Variants in IDNK observed in about 807,000 individuals in gnomAD.
The protein encoded by IDNK is IDNK gluconokinase.
Under a neutral mutation model 13.0 loss-of-function variants are expected in IDNK, and 9 were observed. The observed-to-expected ratio is 0.69, with a 90% CI of 0.42 to 1.21. The LOEUF (loss-of-function observed/expected upper bound fraction) is 1.21. Among genes scored for constraint, IDNK ranks in the 50% most tolerant of loss-of-function variants. The pLI is 0.00. For synonymous variants in IDNK, 92 were observed against 94.9 expected (o/e 0.97, Z 0.18); for missense variants, 210 against 237.8 (o/e 0.88, Z 0.77).
intron 3 of IDNK, among the ~76,000 whole-genome samples, chr9:83,636,933 C>T (rs982328518): frequency 6.6e-6 from 1 of 152,138 alleles, no homozygotes; most frequent in African/African-American, 2.4e-5. Flanking sequence ...AGCTGGTAAG[C>T]CTCATCATCT....
At chr9:83,623,591 C>T (rs1830765677) in intron 1 of IDNK, 1 of 274,430 alleles carries the variant, frequency 3.6e-6, no homozygotes, top group Non-Finnish European at 7.1e-6. Flanking sequence ...CGGGAGGGCG[C>T]ACGGCCTCTA....
intron 1 of IDNK, chr9:83,626,609 G>C (rs1194636726): frequency 6.3e-6 from 5 of 798,352 alleles, no homozygotes; most frequent in Non-Finnish European, 7.3e-6. Context: ...TTGAGACGGG[G>C]TTTTGCCATG....
intron 3 of IDNK, among the ~76,000 whole-genome samples, chr9:83,630,807 A>G (rs1173677391): frequency 6.6e-6 from 1 of 152,212 alleles, no homozygotes; most frequent in East Asian, 1.9e-4. Context: ...TTCACAAGTG[A>G]TGCTTGTTAA....
In IDNK at chr9:83,641,581, A is replaced by G. The variant is rs748739429; in HGVS notation, c.202A>G (p.Ile68Val). Residue 68 changes from isoleucine to valine, a missense_variant, in exon 4 of 5, where the codon ATT (isoleucine) becomes GTT (valine). By Grantham distance (29) the Ile-to-Val change is conservative (BLOSUM62 3). Transcript: ENST00000376419. ...RIPWLCNLHD[I>V]LLRDVASGQR... ...TCCATGGCTCTGTAACTTGCATGAC[A>G]TTTTACTAAGGTAAGAGACCACCAG... The G allele has an allele frequency of 6.2e-7, 1 of 1,614,032 alleles. No individual in the cohort carries two copies. Among genetic ancestry groups the G allele is most frequent in the African/African-American group, 1.3e-5 (1 of 75,032 alleles).
chr9:83,629,823 G>A (rs1830963093), intron 3 of IDNK, among the ~76,000 whole-genome samples: 1 of 152,206 alleles, frequency 6.6e-6, no homozygotes, highest in African/African-American at 2.4e-5. Flanking sequence ...GTACCCCCCA[G>A]GCCTGACACA....
rs940967177 is a variant in IDNK at position 83,623,223 on chromosome 9, T to C, written c.50+2T>C. On this transcript the variant is annotated splice_donor_variant, in intron 1 of 4. Coordinates refer to ENST00000376419, the MANE Select transcript of IDNK (RefSeq NM_001001551.4). LOFTEE classifies it high-confidence loss of function. ...GATGGGCGTGAGCGGCTCGGGGAAGTAGGTCCGGGAGAGGGCGGGGGGCGC... is the reference window on the plus strand; with the variant it reads ...GATGGGCGTGAGCGGCTCGGGGAAGCAGGTCCGGGAGAGGGCGGGGGGCGC... 37 of 1,397,366 alleles carry C rather than the reference T, an allele frequency of 2.6e-5. No homozygotes were observed. Among genetic ancestry groups the C allele is most frequent in the Non-Finnish European group, 3.1e-5 (34 of 1,079,544 alleles). The allele number at this position is 1,397,366 out of a possible 1,614,324, so 86.6% of individuals were successfully genotyped here. A position where few individuals can be genotyped will look rare whatever the true frequency, so the allele number is the denominator to read the frequency against.
At chr9:83,630,587 C>T (rs1364519413) in intron 3 of IDNK, among the ~76,000 whole-genome samples, 6 of 152,130 alleles carry the variant, frequency 3.9e-5, no homozygotes, top group Non-Finnish European at 7.4e-5. Context: ...ATAAATATCA[C>T]GTTTTAAAAT....
intron 3 of IDNK, among the ~76,000 whole-genome samples, chr9:83,630,636 C>G (rs1830984479): frequency 6.6e-6 from 1 of 152,192 alleles, no homozygotes; most frequent in Non-Finnish European, 1.5e-5. Flanking sequence ...ATCATATATA[C>G]ATGCCAATAA....
chr9:83,627,350 A>G (rs1013148263), intron 1 of IDNK, among the ~76,000 whole-genome samples: 1 of 152,206 alleles, frequency 6.6e-6, no homozygotes, highest in African/African-American at 2.4e-5. Context: ...GGCTGAGGCC[A>G]TGTGTCAGTG....
chr9:83,641,041 A>C (rs1450186782), intron 3 of IDNK, among the ~76,000 whole-genome samples: 2 of 152,206 alleles, frequency 1.3e-5, no homozygotes, highest in Admixed American at 1.3e-4. Context: ...TCTTTGTGAA[A>C]CACTGTAGCA....
At chr9:83,624,370 A>G (rs919271765) in intron 1 of IDNK, among the ~76,000 whole-genome samples, 1 of 152,196 alleles carries the variant, frequency 6.6e-6, no homozygotes, top group Non-Finnish European at 1.5e-5. Context: ...AGCTTGTGAT[A>G]TTCATGTACT....
At chr9:83,633,033 A>G (rs1831065460) in intron 3 of IDNK, among the ~76,000 whole-genome samples, 1 of 152,218 alleles carries the variant, frequency 6.6e-6, no homozygotes, top group Non-Finnish European at 1.5e-5. Context: ...TACTCTTTCC[A>G]AGGCCTGATC....
chr9:83,637,474 A>T (rs1193724524), intron 3 of IDNK, among the ~76,000 whole-genome samples: 20 of 152,234 alleles, frequency 1.3e-4, no homozygotes. Flanking sequence ...AATTACTGTG[A>T]ATAAGAAATG....
intron 3 of IDNK, among the ~76,000 whole-genome samples, chr9:83,639,662 T>C (rs1831250642): frequency 6.6e-6 from 1 of 152,038 alleles, no homozygotes; most frequent in Admixed American, 6.6e-5. Flanking sequence ...GTGAAAAATA[T>C]CAAGACTGGG....
intron 1 of IDNK, 71 bp from the exon 2 acceptor site, chr9:83,628,110 C>G: frequency 6.5e-7 from 1 of 1,544,528 alleles, no homozygotes; most frequent in South Asian, 1.2e-5. Context: ...CTTTCCCAGA[C>G]ATCCTTGCAC....
chr9:83,623,501 C>G (rs980941587), intron 1 of IDNK: 92 of 412,870 alleles, frequency 2.2e-4, no homozygotes, highest in Middle Eastern at 1.6e-3. Context: ...CGCTCCTGAA[C>G]AGGCGGCTGC....
chr9:83,627,987 T>C (rs1004762527), intron 1 of IDNK, 194 bp from the exon 2 acceptor site: 102 of 1,360,388 alleles, frequency 7.5e-5, no homozygotes, highest in Non-Finnish European at 9.1e-5. Flanking sequence ...TATTTCTTCA[T>C]TGACATTCGT....
chr9:83,643,275 T>A (rs1345493846), intron 4 of IDNK, among the ~76,000 whole-genome samples, 154 bp from the exon 5 acceptor site: 1 of 152,190 alleles, frequency 6.6e-6, no homozygotes, highest in Non-Finnish European at 1.5e-5. Flanking sequence ...GATATTTAAC[T>A]CGATGCTAGG....
chr9:83,628,972 G>A lies in IDNK; in HGVS notation c.168+13G>A, dbSNP rs1448306930. 1 of 1,604,532 alleles carries A rather than the reference G, an allele frequency of 6.2e-7. No individual in the cohort carries two copies. On this transcript the variant is annotated intron_variant, in intron 3 of 4. Coordinates refer to ENST00000376419, the MANE Select transcript of IDNK (RefSeq NM_001001551.4). ...GCTCAATGACCAGGTAACAATTGCT[G>A]TCTGTGTCCATCACACATATTCCAC...
Sources: gnomAD v4.1 joint callset for allele counts (sites outside exome capture counted in the v4.1 genomes callset) on GRCh38, gnomAD v4.1.1 for gene constraint, MANE v1.5 for transcripts, NCBI Gene and HGNC (gene_info 2026-07-23, HGNC 2026-07-21) for gene names.